The following PDE3A variants were observed in gnomAD, a reference collection of about 807,000 sequenced individuals.
PDE3A encodes cGMP-inhibited 3',5'-cyclic phosphodiesterase 3A.
A neutral mutation model predicts 98.3 loss-of-function variants in PDE3A; 43 were observed. The ratio of observed to expected loss-of-function variants is 0.44; its 90% CI spans 0.34 to 0.56. The LOEUF is 0.56. Among genes scored for constraint, PDE3A ranks in the 20% least tolerant of loss-of-function variants. PDE3A has a pLI of 0.01. For synonymous variants in PDE3A, 663 were observed against 567.9 expected (o/e 1.17, Z -2.38); for missense variants, 1,427 against 1,440.7 (o/e 0.99, Z 0.15).
At chr12:20,669,641 G>A (rs1339029571) in intron 15 of PDE3A, among the ~76,000 whole-genome samples, 34 of 151,654 alleles carry the variant, frequency 2.2e-4, no homozygotes, top group Admixed American at 2.2e-3. Context: ...TTACAGACAA[G>A]CAAATGCTGA....
chr12:20,587,134 T>A (rs1179729402), intron 2 of PDE3A, among the ~76,000 whole-genome samples: 1 of 151,828 alleles, frequency 6.6e-6, no homozygotes, highest in Non-Finnish European at 1.5e-5. Context: ...CTTTAGGAGG[T>A]CGAGGTGGGT....
chr12:20,515,851 G>A (rs1366806629), intron 1 of PDE3A, among the ~76,000 whole-genome samples: 1 of 149,596 alleles, frequency 6.7e-6, no homozygotes, highest in East Asian at 2.0e-4. Context: ...TCCTGCCTCA[G>A]CCTCCCAAGT....
intron 15 of PDE3A, among the ~76,000 whole-genome samples, chr12:20,657,686 T>C (rs1445569313): frequency 6.6e-6 from 1 of 152,216 alleles, no homozygotes; most frequent in East Asian, 1.9e-4. Flanking sequence ...AGGCATGTTT[T>C]AGACCACCTG....
chr12:20,674,929 TTTATTTTA>T (rs1945594638), intron 15 of PDE3A, among the ~76,000 whole-genome samples: 1 of 152,018 alleles, frequency 6.6e-6, no homozygotes, highest in South Asian at 2.1e-4. Flanking sequence ...TTTTTAAATT[TTTATTTTA>T]TTTAGTTCTC....
rs527669304 is a variant in PDE3A at position 20,558,013 on chromosome 12, T to A, written c.1011+1303T>A. Among the ~76,000 whole-genome samples the A allele has an allele frequency of 4.6e-5, 7 of 152,264 alleles. No individual in the cohort carries two copies. In the South Asian group the frequency reaches 8.3e-4, roughly 18 times the overall value. Reference sequence around the variant, plus strand: ...AAATAAGAAGGTCCATGGTTTCTGATGATTGCCACCAAAACATTTTGATAT... The same window carrying A: ...AAATAAGAAGGTCCATGGTTTCTGAAGATTGCCACCAAAACATTTTGATAT... On this transcript the variant is annotated intron_variant, in intron 2 of 15. Coordinates refer to ENST00000359062, the MANE Select transcript of PDE3A (RefSeq NM_000921.5).
At chr12:20,651,000 A>T (rs7979903) in intron 14 of PDE3A, among the ~76,000 whole-genome samples, 3,631 of 152,258 alleles carry the variant, frequency 0.024, 123 homozygotes, top group African/African-American at 0.083. Flanking sequence ...TTACTTTCCT[A>T]AAAAATTTAT....
At chr12:20,491,573 G>A (rs144381066) in intron 1 of PDE3A, among the ~76,000 whole-genome samples, 4 of 152,222 alleles carry the variant, frequency 2.6e-5, no homozygotes, top group African/African-American at 4.8e-5. Context: ...TTGGTCACTA[G>A]GGGGACTTTT....
intron 9 of PDE3A, among the ~76,000 whole-genome samples, chr12:20,639,105 G>A (rs192719105): frequency 6.6e-4 from 100 of 152,104 alleles, no homozygotes; most frequent in African/African-American, 2.4e-3. Flanking sequence ...TATGATAGCA[G>A]TCAGTTTTAC....
chr12:20,401,476 A>T (rs1591890424), intron 1 of PDE3A, among the ~76,000 whole-genome samples: 2 of 152,170 alleles, frequency 1.3e-5, no homozygotes, highest in South Asian at 2.1e-4. Flanking sequence ...TCATCACATC[A>T]ATTTTCTAGT....
chr12:20,666,375 ATT>A (rs1467122534), intron 15 of PDE3A, among the ~76,000 whole-genome samples: 11 of 152,138 alleles, frequency 7.2e-5, no homozygotes, highest in Non-Finnish European at 1.5e-4. Context: ...GAACTTATTT[ATT>A]CTAACTAGTA....
intron 2 of PDE3A, among the ~76,000 whole-genome samples, chr12:20,565,622 T>A (rs564033927): frequency 3.4e-4 from 51 of 151,680 alleles, no homozygotes; most frequent in Non-Finnish European, 6.9e-4. Context: ...CTGGAGAGGG[T>A]GAATTGAGGC....
intron 15 of PDE3A, among the ~76,000 whole-genome samples, chr12:20,668,182 T>G (rs1555109236): frequency 6.6e-6 from 1 of 152,208 alleles, no homozygotes; most frequent in Non-Finnish European, 1.5e-5. Flanking sequence ...ATCCCGCACC[T>G]GGCTTGGAGG....
chr12:20,659,159 T>C (rs1165658652), intron 15 of PDE3A, among the ~76,000 whole-genome samples: 2 of 152,144 alleles, frequency 1.3e-5, no homozygotes, highest in African/African-American at 4.8e-5. Flanking sequence ...ATGAATATCA[T>C]AATTTTTTTT....
chr12:20,409,907 A>G (rs1210525043), intron 1 of PDE3A, among the ~76,000 whole-genome samples: 2 of 152,210 alleles, frequency 1.3e-5, no homozygotes, highest in South Asian at 2.1e-4. Flanking sequence ...CCAGCTCTGC[A>G]AGTTTGTTGA....
At position 20,467,933 on chromosome 12, in the gene PDE3A, C is replaced by CAAAAAAAAAAAAAAA. The variant is rs60320142; in HGVS notation, c.961-88694_961-88680dup. ...CTGGCGACAGAGCGAGACTCCTTCTCAAAAAAAAAAAAAAAAAAAAAAAAA... is the reference window on the plus strand; with the variant it reads ...CTGGCGACAGAGCGAGACTCCTTCTCAAAAAAAAAAAAAAAAAAAAAAAAAAAAAAAAAAAAAAAA... On this transcript the variant is annotated intron_variant, in intron 1 of 15. Coordinates refer to ENST00000359062, the MANE Select transcript of PDE3A (RefSeq NM_000921.5). Among the ~76,000 whole-genome samples, 10 of 35,698 alleles carry CAAAAAAAAAAAAAAA rather than the reference C, an allele frequency of 2.8e-4. 2 individuals are homozygous for CAAAAAAAAAAAAAAA. The East Asian group carries it at 3.7e-3, about 13-fold the overall frequency. The allele number at this position is 35,698 out of a possible 152,430, so 23.4% of individuals were successfully genotyped here.
At chr12:20,389,699 C>T (rs745950853) in intron 1 of PDE3A, among the ~76,000 whole-genome samples, 4 of 151,984 alleles carry the variant, frequency 2.6e-5, no homozygotes, top group Non-Finnish European at 4.4e-5. Context: ...AATGATTATA[C>T]TGCCAAGGGA....
chr12:20,558,706 T>C (rs925025227), intron 2 of PDE3A, among the ~76,000 whole-genome samples: 1 of 150,798 alleles, frequency 6.6e-6, no homozygotes, highest in African/African-American at 2.4e-5. Flanking sequence ...ATAATAATAA[T>C]AATAATAATA....
chr12:20,663,260 G>T (rs998664397), intron 15 of PDE3A, among the ~76,000 whole-genome samples: 1 of 152,242 alleles, frequency 6.6e-6, no homozygotes, highest in Non-Finnish European at 1.5e-5. Flanking sequence ...ACCTCTGCTA[G>T]GGCAGTATGG....
At chr12:20,401,763 A>G (rs1254849456) in intron 1 of PDE3A, among the ~76,000 whole-genome samples, 3 of 152,052 alleles carry the variant, frequency 2.0e-5, no homozygotes, top group African/African-American at 7.2e-5. Context: ...TGGATTGTGA[A>G]TAGTTTTATA....
Sources: allele counts gnomAD v4.1 joint callset (sites outside exome capture counted in the v4.1 genomes callset), GRCh38; gene constraint gnomAD v4.1.1; transcripts MANE v1.5; gene names NCBI Gene and HGNC (gene_info 2026-07-23, HGNC 2026-07-21).